SLC13A3: variants seen among roughly 807,000 people sequenced by gnomAD.
SLC13A3 encodes the protein solute carrier family 13 member 3.
Under a neutral mutation model 59.0 loss-of-function variants are expected in SLC13A3, and 40 were observed. That is an observed-to-expected ratio of 0.68 (90% CI 0.53 to 0.88). The LOEUF (loss-of-function observed/expected upper bound fraction) is 0.88. SLC13A3 is among the 40% of genes least tolerant of loss of function. The probability of loss-of-function intolerance (pLI) is 0.00; values close to 1 mark genes in which losing one functional copy is unlikely to be tolerated. For synonymous variants in SLC13A3, 317 were observed against 330.3 expected, an observed-to-expected ratio of 0.96 and a Z score of 0.44; for missense variants, 699 against 783.2, an observed-to-expected ratio of 0.89 and a Z score of 1.28.
At chr20:46,582,333 T>C (rs2062146952) in intron 9 of SLC13A3, among the ~76,000 whole-genome samples, 1 of 151,924 alleles carries the variant, frequency 6.6e-6, no homozygotes, top group Admixed American at 6.6e-5. Context: ...TTCTCCATGT[T>C]GCCAGGCTGG....
chr20:46,672,129 G>A (rs111872933), upstream of SLC13A3, among the ~76,000 whole-genome samples: 520 of 152,360 alleles, frequency 3.4e-3, 1 homozygote, highest in Non-Finnish European at 5.4e-3. Flanking sequence ...GAAGGAAAGC[G>A]TGGCTTTGAG....
chr20:46,649,995 C>A (rs2062936349), intron 1 of SLC13A3, among the ~76,000 whole-genome samples: 1 of 152,144 alleles, frequency 6.6e-6, no homozygotes, highest in African/African-American at 2.4e-5. Context: ...AATTATACCT[C>A]CTCTTTACTT....
chr20:46,640,169 T>A (rs1394979943), intron 1 of SLC13A3, among the ~76,000 whole-genome samples: 5 of 152,170 alleles, frequency 3.3e-5, no homozygotes, highest in Admixed American at 2.0e-4. Context: ...GAATAAGGCA[T>A]GTGATGTGGC....
rs2062069621 is a variant in SLC13A3, at chr20:46,575,699, G to A, written c.1220-14C>T. The A allele has an allele frequency of 6.5e-7, 1 of 1,539,280 alleles. No homozygotes were observed. The highest frequency in any genetic ancestry group is 8.9e-7 in the Non-Finnish European group (1 of 1,128,640). On this transcript the variant is annotated splice_polypyrimidine_tract_variant and intron_variant, in intron 9 of 12. Coordinates refer to ENST00000279027, the MANE Select transcript of SLC13A3 (RefSeq NM_022829.6). ...CTGTGTTGGGAGCTGGGCAGAGAGAGGGATTCAGCACACACTCAGGGCCGC... is the reference window on the plus strand; with the variant it reads ...CTGTGTTGGGAGCTGGGCAGAGAGAAGGATTCAGCACACACTCAGGGCCGC...
intron 1 of SLC13A3, among the ~76,000 whole-genome samples, chr20:46,646,282 G>C (rs534551490): frequency 6.6e-6 from 1 of 152,290 alleles, no homozygotes; most frequent in South Asian, 2.1e-4. Context: ...TTTAGTAGCT[G>C]TGTGACCTTG....
At chr20:46,612,069 T>TTTC (rs796419217) in intron 2 of SLC13A3, among the ~76,000 whole-genome samples, 9 of 149,498 alleles carry the variant, frequency 6.0e-5, no homozygotes, top group Admixed American at 1.3e-4. Flanking sequence ...TTTCTCTTTC[T>TTTC]TTTTTTTCTT....
Position 46,613,471 on chromosome 20 carries a change from G to C in SLC13A3, c.366C>G (p.Val122=), listed in dbSNP as rs749720698. The C allele has an allele frequency of 6.3e-7, 1 of 1,593,264 alleles. No individual in the cohort carries two copies. The highest frequency in any genetic ancestry group is 8.6e-7 in the Non-Finnish European group (1 of 1,168,072). The part of the protein sequence containing the change: ...IALKILMLVG[V]QPARLILGMM... Reference sequence around the variant, plus strand: ...TTACCTGTTCTTACCTGGCCGGCTGGACTCCAACAAGCATCAGGATCTTGA... The same window carrying C: ...TTACCTGTTCTTACCTGGCCGGCTGCACTCCAACAAGCATCAGGATCTTGA... The change falls in exon 2 of 13, where the codon GTC becomes GTG. Residue 122 remains valine, a synonymous_variant. Transcript: ENST00000279027.
intron 10 of SLC13A3, among the ~76,000 whole-genome samples, chr20:46,574,839 C>T (rs200282022): frequency 2.1e-5 from 3 of 141,530 alleles, no homozygotes. Context: ...TTTTCTTTTT[C>T]TTTTTTTTTT....
At chr20:46,593,641 C>T (rs2062281833) in intron 5 of SLC13A3, among the ~76,000 whole-genome samples, 1 of 151,930 alleles carries the variant, frequency 6.6e-6, no homozygotes, top group Non-Finnish European at 1.5e-5. Context: ...AGTGTGTGGT[C>T]AGTTACATAA....
upstream of SLC13A3, among the ~76,000 whole-genome samples, chr20:46,654,116 T>C (rs1046682826): frequency 2.4e-4 from 36 of 152,206 alleles, no homozygotes; most frequent in Non-Finnish European, 5.9e-5. Flanking sequence ...TTATTTTCTG[T>C]GATTTTTTTA....
chr20:46,564,685 C>T (rs944964378), intron 11 of SLC13A3, among the ~76,000 whole-genome samples: 19 of 152,120 alleles, frequency 1.2e-4, no homozygotes, highest in South Asian at 6.2e-4. Context: ...TCATCTCTAA[C>T]GACATTTTAA....
At position 46,575,651 on chromosome 20, in the gene SLC13A3, C is replaced by G; in HGVS notation, c.1254G>C (p.Trp418Cys). ...PNTETEPLLT[W>C]KKAQETVPWN... ...AGGGCACTGTCTCCTGGGCCTTCTTCCAGGTCAGCAAGGGCTCTGTCTCTG... is the reference window on the plus strand; with the variant it reads ...AGGGCACTGTCTCCTGGGCCTTCTTGCAGGTCAGCAAGGGCTCTGTCTCTG... Residue 418 changes from tryptophan to cysteine, a missense_variant, in exon 10 of 13, where the codon TGG becomes TGC. Physicochemically the swap from Trp to Cys is radical, Grantham distance 215. Transcript: ENST00000279027. The G allele has an allele frequency of 6.2e-7, 1 of 1,603,400 alleles. No homozygotes were observed. The highest frequency in any genetic ancestry group is 8.5e-7 in the Non-Finnish European group (1 of 1,174,776).
At chr20:46,598,114 A>G (rs2062333498) in intron 4 of SLC13A3, among the ~76,000 whole-genome samples, 1 of 152,240 alleles carries the variant, frequency 6.6e-6, no homozygotes, top group African/African-American at 2.4e-5. Flanking sequence ...TAAAGTGGAA[A>G]TTAAAATGAA....
At chr20:46,646,665 T>C (rs1028073989) in intron 1 of SLC13A3, among the ~76,000 whole-genome samples, 5 of 152,212 alleles carry the variant, frequency 3.3e-5, no homozygotes, top group Admixed American at 6.5e-5. Context: ...CTCTCCAACA[T>C]TTAACTTCTC....
intron 9 of SLC13A3, among the ~76,000 whole-genome samples, chr20:46,577,426 G>C (rs2062090465): frequency 6.6e-6 from 1 of 152,214 alleles, no homozygotes; most frequent in Non-Finnish European, 1.5e-5. Context: ...CATGGCAGGT[G>C]GCCCAGCCCT....
At position 46,610,430 on chromosome 20, in the gene SLC13A3, C is replaced by T; in HGVS notation, c.541+16G>A. The T allele has an allele frequency of 6.2e-7, 1 of 1,604,132 alleles. No homozygotes were observed. Among genetic ancestry groups the T allele is most frequent in the Non-Finnish European group, 8.5e-7 (1 of 1,175,532 alleles). ...ATCCTGGTGGATTTGGCCCCAATCC[C>T]TTAGCACAGCCTCACCTGTGTTCTC... On this transcript the variant is annotated intron_variant, in intron 3 of 12. Coordinates refer to ENST00000279027, the MANE Select transcript of SLC13A3 (RefSeq NM_022829.6).
At chr20:46,589,032 G>A (rs1568923406) in intron 7 of SLC13A3, 128 bp downstream of exon 7, 1 of 770,848 alleles carries the variant, frequency 1.3e-6, no homozygotes, top group Non-Finnish European at 2.1e-6. Flanking sequence ...CCATCTCTAG[G>A]CTCCCACGCC....
chr20:46,629,362 T>C (rs2122804575), intron 1 of SLC13A3, among the ~76,000 whole-genome samples: 1 of 152,382 alleles, frequency 6.6e-6, no homozygotes, highest in South Asian at 2.1e-4. Context: ...CCATTAATGT[T>C]ACCACAATTT....
chr20:46,648,195 G>A (rs965136748), intron 1 of SLC13A3, among the ~76,000 whole-genome samples: 12 of 151,598 alleles, frequency 7.9e-5, no homozygotes, highest in Admixed American at 2.6e-4. Context: ...CCCATGTCCC[G>A]TTTTGCACCG....
Sources: allele counts gnomAD v4.1 joint callset (sites outside exome capture counted in the v4.1 genomes callset), GRCh38; gene constraint gnomAD v4.1.1; transcripts MANE v1.5; gene names NCBI Gene and HGNC (gene_info 2026-07-23, HGNC 2026-07-21).